Variants in GALNT13 observed in about 807,000 individuals in gnomAD.
GALNT13 encodes the protein polypeptide N-acetylgalactosaminyltransferase 13, also known as UDP-GalNAc:polypeptide N-acetylgalactosaminyltransferase 13.
In GALNT13, 28 loss-of-function variants were observed where a neutral mutation model predicts 64.2. That is an observed-to-expected ratio of 0.44 (90% confidence interval 0.32 to 0.60). The LOEUF is 0.60. Among genes scored for constraint, GALNT13 ranks in the 20% least tolerant of loss-of-function variants. The pLI, the probability that GALNT13 is intolerant of heterozygous loss-of-function variation, is 0.05. For missense variants in GALNT13, 577 were observed against 669.8 expected (o/e 0.86, Z 1.53); for synonymous variants, 214 against 224.6 (o/e 0.95, Z 0.42).
At chr2:154,002,419 T>G (rs1267056686) in intron 3 of GALNT13, among the ~76,000 whole-genome samples, 1 of 152,006 alleles carries the variant, frequency 6.6e-6, no homozygotes, top group Admixed American at 6.6e-5. Flanking sequence ...ACTGATTCTC[T>G]TCTCTTTTGG....
chr2:153,225,741 A>T, the GALNT13 span, among the ~76,000 whole-genome samples: 8 of 152,238 alleles, frequency 5.3e-5, no homozygotes, highest in African/African-American at 1.9e-4. Flanking sequence ...ACCTAAAAAT[A>T]AAATTCTTGG....
the GALNT13 span, among the ~76,000 whole-genome samples, chr2:153,402,701 T>G: frequency 6.6e-6 from 1 of 152,234 alleles, no homozygotes; most frequent in African/African-American, 2.4e-5. Context: ...CTGATACCCT[T>G]TCTTCCTGTT....
At chr2:153,825,752 T>TA in the GALNT13 span, among the ~76,000 whole-genome samples, 1 of 151,796 alleles carries the variant, frequency 6.6e-6, no homozygotes, top group Non-Finnish European at 1.5e-5. Flanking sequence ...AGGAACAGCC[T>TA]AAAAAACGAC....
chr2:154,391,079 T>C (rs888772412), intron 9 of GALNT13, among the ~76,000 whole-genome samples: 1 of 152,246 alleles, frequency 6.6e-6, no homozygotes, highest in Non-Finnish European at 1.5e-5. Flanking sequence ...GCTCACACTC[T>C]ATATCTTTCC....
chr2:153,900,797 G>T (rs902744415), intron 1 of GALNT13, 139 bp from the exon 2 acceptor site: 1 of 152,006 alleles, frequency 6.6e-6, no homozygotes, highest in East Asian at 1.9e-4. Flanking sequence ...TTATACTTTG[G>T]TAGATATATG....
At chr2:153,280,944 G>A in the GALNT13 span, among the ~76,000 whole-genome samples, 3 of 152,094 alleles carry the variant, frequency 2.0e-5, no homozygotes, top group East Asian at 1.9e-4. Flanking sequence ...GATGACTGGC[G>A]CAATGCTGTA....
the GALNT13 span, among the ~76,000 whole-genome samples, chr2:153,787,888 TAAA>T: frequency 6.6e-6 from 1 of 151,516 alleles, no homozygotes; most frequent in African/African-American, 2.4e-5. Context: ...TCAACAAAAA[TAAA>T]AAAGAACAGA....
At chr2:153,703,250 T>C in the GALNT13 span, among the ~76,000 whole-genome samples, 1 of 152,182 alleles carries the variant, frequency 6.6e-6, no homozygotes, top group Non-Finnish European at 1.5e-5. Context: ...TCTTTGTTGT[T>C]TGTCTCACCA....
At chr2:154,241,559 A>G (rs1689490916) in intron 4 of GALNT13, among the ~76,000 whole-genome samples, 2 of 152,216 alleles carry the variant, frequency 1.3e-5, no homozygotes, top group African/African-American at 4.8e-5. Context: ...GCATCCTCAA[A>G]TGGAATTAAA....
chr2:154,252,418 G>T (rs1048517275), intron 7 of GALNT13, among the ~76,000 whole-genome samples: 5 of 150,448 alleles, frequency 3.3e-5, no homozygotes, highest in African/African-American at 1.2e-4. Context: ...TTACAGTGGC[G>T]CCATCTTGGC....
chr2:153,393,312 A>G, the GALNT13 span, among the ~76,000 whole-genome samples: 1 of 151,846 alleles, frequency 6.6e-6, no homozygotes, highest in African/African-American at 2.4e-5. Context: ...CCATGGCAAA[A>G]CAGCTCTCTC....
chr2:154,415,413 T>A (rs1699967661), intron 11 of GALNT13, among the ~76,000 whole-genome samples: 1 of 152,096 alleles, frequency 6.6e-6, no homozygotes, highest in Non-Finnish European at 1.5e-5. Context: ...TGTTTCTTTT[T>A]CTCCCTGGAG....
At chr2:154,289,368 C>G (rs1050954639) in intron 8 of GALNT13, among the ~76,000 whole-genome samples, 1 of 152,172 alleles carries the variant, frequency 6.6e-6, no homozygotes, top group Non-Finnish European at 1.5e-5. Flanking sequence ...AAGAAATACC[C>G]GAGACTAGGT....
chr2:154,127,697 T>G (rs1465849822), intron 3 of GALNT13, among the ~76,000 whole-genome samples: 1 of 147,318 alleles, frequency 6.8e-6, no homozygotes, highest in Non-Finnish European at 1.5e-5. Context: ...TATATCCATA[T>G]CCACACACAC....
the GALNT13 span, among the ~76,000 whole-genome samples, chr2:153,426,502 C>G: frequency 9.8e-3 from 1,488 of 152,004 alleles, 67 homozygotes; most frequent in Admixed American, 0.064. Context: ...TCTTGTAAGT[C>G]TTTGTTCATC....
At chr2:154,148,196 A>G (rs1683741990) in intron 4 of GALNT13, among the ~76,000 whole-genome samples, 1 of 151,290 alleles carries the variant, frequency 6.6e-6, no homozygotes, top group Non-Finnish European at 1.5e-5. Flanking sequence ...TGTTCTTGTG[A>G]TAGTTTACTG....
At chr2:154,045,224 A>C (rs1699215239) in intron 3 of GALNT13, among the ~76,000 whole-genome samples, 1 of 152,206 alleles carries the variant, frequency 6.6e-6, no homozygotes, top group Non-Finnish European at 1.5e-5. Context: ...CAATGAATGA[A>C]CTGCTTAAGG....
intron 6 of GALNT13, among the ~76,000 whole-genome samples, chr2:154,245,324 T>G (rs565028096): frequency 6.6e-6 from 1 of 152,264 alleles, no homozygotes; most frequent in South Asian, 2.1e-4. Flanking sequence ...GTTTGTTGAT[T>G]TCTGTTTGTT....
chr2:154,131,993 A>G (rs1396854137), intron 3 of GALNT13, among the ~76,000 whole-genome samples: 2 of 152,212 alleles, frequency 1.3e-5, no homozygotes, highest in South Asian at 2.1e-4. Flanking sequence ...GATGAAGGCT[A>G]GAAGACTCAG....
Sources: allele counts gnomAD v4.1 joint callset (sites outside exome capture counted in the v4.1 genomes callset), GRCh38; gene constraint gnomAD v4.1.1; transcripts MANE v1.5; gene names NCBI Gene and HGNC (gene_info 2026-07-23, HGNC 2026-07-21).